Variants in LOXL2 observed in about 807,000 individuals in gnomAD.
LOXL2 encodes the protein lysyl oxidase homolog 2.
LOXL2 carries 70 observed loss-of-function variants against 93.0 expected under a neutral mutation model. That is an observed-to-expected ratio of 0.75 (90% confidence interval 0.62 to 0.92). LOXL2 has a LOEUF of 0.92. Among genes scored for constraint, LOXL2 ranks in the 40% least tolerant of loss-of-function variants. The pLI is 0.00. For missense variants in LOXL2, 973 were observed against 1,054.9 expected, an observed-to-expected ratio of 0.92 and a Z score of 1.08; for synonymous variants, 438 against 413.2, an observed-to-expected ratio of 1.06 and a Z score of -0.73.
intron 5 of LOXL2, among the ~76,000 whole-genome samples, chr8:23,330,523 A>G (rs1010228849): frequency 6.6e-6 from 1 of 152,154 alleles, no homozygotes; most frequent in Non-Finnish European, 1.5e-5. Flanking sequence ...ATGGAGGCAG[A>G]GGTCAAATAA....
rs547805723 is a variant in LOXL2 at position 23,390,561 on chromosome 8, TC to T, written c.-84+13392del. The stretch of plus-strand genomic sequence containing the variant: ...ATAATTTGTTGTGACCAATGGGGGT[TC>T]CCCGCAGCCCACCGCTGGCTCTGGG... On this transcript the variant is annotated intron_variant, in intron 1 of 13. Transcript: ENST00000389131. Among the ~76,000 whole-genome samples, 538 of 152,274 alleles carry T rather than the reference TC, an allele frequency of 3.5e-3. 4 individuals carry two copies. Among genetic ancestry groups the T allele is most frequent in the African/African-American group, 0.012 (497 of 41,560 alleles).
intron 12 of LOXL2, among the ~76,000 whole-genome samples, chr8:23,299,796 A>G (rs1022404684): frequency 6.6e-6 from 1 of 152,128 alleles, no homozygotes; most frequent in Admixed American, 6.5e-5. Context: ...AACATTCTCT[A>G]AATTTGGGGC....
chr8:23,306,918 A>G (rs1348388429), intron 10 of LOXL2, among the ~76,000 whole-genome samples: 2 of 152,230 alleles, frequency 1.3e-5, no homozygotes, highest in Non-Finnish European at 2.9e-5. Context: ...ATGAGACAGA[A>G]TAACTCCGGG....
chr8:23,359,781 T>C (rs1804258487), intron 3 of LOXL2, among the ~76,000 whole-genome samples: 1 of 152,232 alleles, frequency 6.6e-6, no homozygotes, highest in South Asian at 2.1e-4. Context: ...CATGCCCATC[T>C]TTCCAGCTTC....
At chr8:23,301,901 G>C (rs1201686638) in intron 12 of LOXL2, 126 bp downstream of exon 12, 2 of 1,178,236 alleles carry the variant, frequency 1.7e-6, no homozygotes, top group East Asian at 2.6e-5. Context: ...GCCTCTGGGG[G>C]TAGCACCTTG....
chr8:23,348,921 C>A (rs935918681), intron 3 of LOXL2, among the ~76,000 whole-genome samples: 1 of 152,076 alleles, frequency 6.6e-6, no homozygotes, highest in Non-Finnish European at 1.5e-5. Context: ...ACAGTGGCCT[C>A]CCAGATACAG....
At chr8:23,300,619 G>GC (rs1240819661) in intron 12 of LOXL2, among the ~76,000 whole-genome samples, 3 of 152,220 alleles carry the variant, frequency 2.0e-5, no homozygotes, top group Non-Finnish European at 4.4e-5. Flanking sequence ...GTATTAACAT[G>GC]CCCCTAATGA....
intron 10 of LOXL2, among the ~76,000 whole-genome samples, chr8:23,305,356 ACACT>A (rs1345298518): frequency 6.6e-6 from 1 of 152,144 alleles, no homozygotes; most frequent in African/African-American, 2.4e-5. Context: ...TCCCCTGCAA[ACACT>A]CAGGGGAGCA....
chr8:23,381,917 C>T lies in LOXL2; in HGVS notation c.-83-13483G>A, dbSNP rs141868416. 9.6e-3 allele frequency among the ~76,000 whole-genome samples: 1,469 copies of T among 152,302 alleles called. 13 individuals are homozygous for T. The highest frequency in any genetic ancestry group is 0.017 in the Non-Finnish European group (1,132 of 68,026). Reference sequence around the variant, plus strand: ...CAAGCCTAACACAGTGCCTGGTGCACGTTAGCTGCTTAATCAAAATGGGTT... The same window carrying T: ...CAAGCCTAACACAGTGCCTGGTGCATGTTAGCTGCTTAATCAAAATGGGTT... On this transcript the variant is annotated intron_variant, in intron 1 of 13. Transcript: ENST00000389131.
At chr8:23,362,491 G>A (rs1002071650) in intron 2 of LOXL2, among the ~76,000 whole-genome samples, 1 of 152,174 alleles carries the variant, frequency 6.6e-6, no homozygotes. Flanking sequence ...TCAACACTTC[G>A]GGAGGCCAAG....
intron 3 of LOXL2, among the ~76,000 whole-genome samples, chr8:23,341,745 G>T (rs1284889409): frequency 6.6e-6 from 1 of 152,212 alleles, no homozygotes; most frequent in Admixed American, 6.5e-5. Context: ...TACCCCAGGG[G>T]TGGGCATTCC....
chr8:23,385,310 G>C (rs1420601981), intron 1 of LOXL2, among the ~76,000 whole-genome samples: 24 of 145,052 alleles, frequency 1.7e-4, no homozygotes, highest in Non-Finnish European at 1.5e-5. Context: ...GCAGTGGTGT[G>C]ATCTCGGCCT....
chr8:23,374,939 CTTTAG>C (rs1166653880), intron 1 of LOXL2, among the ~76,000 whole-genome samples: 3 of 152,132 alleles, frequency 2.0e-5, no homozygotes, highest in Non-Finnish European at 2.9e-5. Flanking sequence ...TGCAGAAGCT[CTTTAG>C]TTTAATTAGA....
intron 1 of LOXL2, among the ~76,000 whole-genome samples, chr8:23,393,367 T>C (rs2117237698): frequency 6.6e-6 from 1 of 152,276 alleles, no homozygotes; most frequent in South Asian, 2.1e-4. Flanking sequence ...TATAGATCAA[T>C]GAGATAAAAC....
intron 1 of LOXL2, among the ~76,000 whole-genome samples, chr8:23,374,151 C>A (rs1405586256): frequency 8.7e-5 from 12 of 138,050 alleles, no homozygotes; most frequent in African/African-American, 3.2e-4. Flanking sequence ...TTCCTGTGTC[C>A]AAGTGTTCTC....
At chr8:23,367,636 C>T (rs180854367) in intron 2 of LOXL2, among the ~76,000 whole-genome samples, 56 of 150,050 alleles carry the variant, frequency 3.7e-4, no homozygotes, top group Admixed American at 2.0e-3. Flanking sequence ...AGCCCCCAGG[C>T]AGGGCATATG....
At chr8:23,327,356 A>G (rs754957360) in intron 6 of LOXL2, among the ~76,000 whole-genome samples, 5 of 152,326 alleles carry the variant, frequency 3.3e-5, no homozygotes, top group African/African-American at 4.8e-5. Context: ...TGGGCTAGTG[A>G]GGGCTATCAT....
chr8:23,333,521 T>C lies in LOXL2; in HGVS notation c.846A>G (p.Ser282=). The C allele has an allele frequency of 6.2e-7, 1 of 1,614,016 alleles. No homozygotes were observed. Among genetic ancestry groups the C allele is most frequent in the Non-Finnish European group, 8.5e-7 (1 of 1,180,034 alleles). ...ISSCKLGPQV[S]LDPMKNVTCE... The stretch of plus-strand genomic sequence containing the variant: ...AGGTGACATTCTTCATGGGGTCCAG[T>C]GACACCTGGGGGCCCAGCTTGCAGC... Residue 282 remains serine (S), a synonymous_variant, in exon 5 of 14, where the codon TCA becomes TCG. Coordinates refer to ENST00000389131, the MANE Select transcript of LOXL2 (RefSeq NM_002318.3).
intron 12 of LOXL2, 90 bp downstream of exon 12, chr8:23,301,937 C>A: frequency 4.0e-6 from 6 of 1,511,996 alleles, no homozygotes; most frequent in Non-Finnish European, 5.4e-6. Flanking sequence ...GACTTCCATG[C>A]CCCTGTGTGG....
Sources: allele counts gnomAD v4.1 joint callset (sites outside exome capture counted in the v4.1 genomes callset), GRCh38; gene constraint gnomAD v4.1.1; transcripts MANE v1.5; gene names NCBI Gene and HGNC (gene_info 2026-07-23, HGNC 2026-07-21).